Variants in HOXA3 observed in about 807,000 individuals in gnomAD.
HOXA3 encodes the protein homeobox A3.
A neutral mutation model predicts 30.3 loss-of-function variants in HOXA3; 8 were observed. The ratio of observed to expected loss-of-function variants is 0.26; its 90% CI spans 0.15 to 0.48. The LOEUF (loss-of-function observed/expected upper bound fraction) is 0.48. Among genes scored for constraint, HOXA3 ranks in the 20% least tolerant of loss-of-function variants. The pLI is 0.99. For missense variants in HOXA3, 653 were observed against 614.4 expected (o/e 1.06, Z -0.66); for synonymous variants, 323 against 273.1 (o/e 1.18, Z -1.80).
intron 1 of HOXA3, chr7:27,143,350 G>C (rs1263830730): frequency 6.3e-7 from 1 of 1,594,392 alleles, no homozygotes. Flanking sequence ...CCGGCTGGCT[G>C]TACCTGGGCT....
rs776144758 is a variant in HOXA3, at chr7:27,129,301, T to C, written c.-389-2231A>G. 126 of 1,613,840 alleles carry C rather than the reference T, an allele frequency of 7.8e-5. No individual in the cohort carries two copies. Among genetic ancestry groups the C allele is most frequent in the Non-Finnish European group, 1.0e-4 (122 of 1,180,002 alleles). On this transcript the variant is annotated intron_variant, in intron 2 of 5. Transcript: ENST00000612286. ...GAGGTGTGGGCTCTGAGTTTGTGCT[T>C]TCCCTGGTGGGCCGGCAGAGGCCGA...
Position 27,110,583 on chromosome 7 carries a change from C to G in HOXA3, c.58G>C (p.Ala20Pro), listed in dbSNP as rs765991905. The G allele has an allele frequency of 1.7e-5, 27 of 1,607,350 alleles. No homozygotes were observed. Among genetic ancestry groups the G allele is most frequent in the Non-Finnish European group, 2.2e-5 (26 of 1,175,376 alleles). The change falls in exon 5 of 6, where the codon GCA (alanine) becomes CCA (proline). Residue 20 changes from alanine (A) to proline (P), a missense_variant. Around this residue, in one of 3 missense-constraint regions of HOXA3, gnomAD observed 320 missense variants for 321.9 expected, o/e 0.99. Coordinates refer to ENST00000612286, the MANE Select transcript of HOXA3 (RefSeq NM_153631.3). ...GCATTATAAGCGAACCCGTTGGCTG[C>G]CTGGTAGGGGTAGCCACCGTAGATC... ...SAIYGGYPYQAANGFAYNANQ... is the reference protein window; with the variant it reads ...SAIYGGYPYQPANGFAYNANQ...
Position 27,113,610 on chromosome 7 carries a change from T to A in HOXA3, c.-120-2850A>T, listed in dbSNP as rs1409512997. ...CCATTCAGCGCCGGGAGCGGCCGGT[T>A]GCGGCCCTGCTTACCTTAACTTCTG... On this transcript the variant is annotated intron_variant, in intron 4 of 5. Coordinates refer to ENST00000612286, the MANE Select transcript of HOXA3 (RefSeq NM_153631.3). This position sits in a 1 kb window ranked among gnomAD's most constrained non-coding sequence, Gnocchi z 4.8. The A allele has an allele frequency of 6.6e-6, 1 of 152,020 alleles. No individual in the cohort carries two copies. The allele number at this position is 152,020 out of a possible 1,614,324, so 9.4% of individuals were successfully genotyped here.
intron 1 of HOXA3, among the ~76,000 whole-genome samples, chr7:27,146,787 GGA>G (rs1368072940): frequency 1.3e-5 from 2 of 152,128 alleles, no homozygotes; most frequent in Non-Finnish European, 2.9e-5. Flanking sequence ...AGATGAGGGA[GGA>G]GAGAGAAAAA....
rs1359587108 is a variant in HOXA3 at position 27,145,953 on chromosome 7, G to A, written c.-493-5767C>T. 2.5e-6 allele frequency: 4 copies of A among 1,593,948 alleles called. No homozygotes were observed. The Admixed American group carries it at 5.1e-5, about 20-fold the overall frequency. The stretch of plus-strand genomic sequence containing the variant: ...AAACGGCCGGGCGCCGGTAAGCCAG[G>A]GCCTGGAGGGTTGACCCAGTCAGCC... On this transcript the variant is annotated intron_variant, in intron 1 of 5. Transcript: ENST00000612286.
chr7:27,150,660 C>G (rs1165646075), intron 1 of HOXA3: 1 of 152,536 alleles, frequency 6.6e-6, no homozygotes, highest in Non-Finnish European at 1.5e-5. Flanking sequence ...AACCAGCGTG[C>G]GCCCCCAGAA....
chr7:27,140,472 G>A (rs998275972), intron 1 of HOXA3: 5 of 152,160 alleles, frequency 3.3e-5, no homozygotes, highest in African/African-American at 1.2e-4. Flanking sequence ...GTAAGCAGTC[G>A]GTAAATGTGC....
chr7:27,119,521 C>G (rs1583384655), intron 4 of HOXA3: 1 of 152,210 alleles, frequency 6.6e-6, no homozygotes, highest in South Asian at 2.1e-4. Flanking sequence ...TGTACCGTTT[C>G]ATGAGCTGTC....
At chr7:27,134,753 A>G (rs1362660278) in intron 2 of HOXA3, among the ~76,000 whole-genome samples, 2 of 152,224 alleles carry the variant, frequency 1.3e-5, no homozygotes, top group African/African-American at 4.8e-5. Context: ...GATTACTTCC[A>G]TGAAGGCAGT....
chr7:27,110,446 G>A lies in HOXA3; in HGVS notation c.195C>T (p.His65=). 3 of 1,583,692 alleles carry A rather than the reference G, an allele frequency of 1.9e-6. No homozygotes were observed. Among genetic ancestry groups the A allele is most frequent in the African/African-American group, 1.3e-5 (1 of 74,562 alleles). Residue 65 remains histidine (H), a synonymous_variant, in exon 5 of 6, where the codon CAC becomes CAT. Coordinates refer to ENST00000612286, the MANE Select transcript of HOXA3 (RefSeq NM_153631.3). The part of the protein sequence containing the change: ...PSSAGGHPKA[H]ELSEACLRTL... ...TGCGCAGGCACGCCTCACTCAGTTC[G>A]TGTGCCTTGGGGTGGCCCCCGGCGC...
Position 27,107,901 on chromosome 7 carries a change from C to A in HOXA3, c.*14G>T. 2 of 1,529,024 alleles carry A rather than the reference C, an allele frequency of 1.3e-6. No individual in the cohort carries two copies. Among genetic ancestry groups the A allele is most frequent in the Non-Finnish European group, 1.8e-6 (2 of 1,131,042 alleles). The allele number at this position is 1,529,024 out of a possible 1,614,324, so 94.7% of individuals were successfully genotyped here. A position where few individuals can be genotyped will look rare whatever the true frequency, so the allele number is the denominator to read the frequency against. The stretch of plus-strand genomic sequence containing the variant: ...GGGGGGAGACTCTCCTGGCGCGTAG[C>A]CCCAAGCCCACTATCACAGGTGGGT... On this transcript the variant is annotated 3_prime_UTR_variant, in exon 6 of 6. Coordinates refer to ENST00000612286, the MANE Select transcript of HOXA3 (RefSeq NM_153631.3).
At chr7:27,140,849 G>C (rs561689225) in intron 1 of HOXA3, among the ~76,000 whole-genome samples, 90 of 152,168 alleles carry the variant, frequency 5.9e-4, no homozygotes, top group African/African-American at 2.1e-3. Flanking sequence ...TGGGGCTTTG[G>C]AACAGCCTAC....
chr7:27,108,302 G>A lies in HOXA3; in HGVS notation c.945C>T (p.Ser315=). The change falls in exon 6 of 6, where the codon TCC becomes TCT. Residue 315 remains serine (S), a synonymous_variant. Coordinates refer to ENST00000612286, the MANE Select transcript of HOXA3 (RefSeq NM_153631.3). The surrounding 1 kb of genome is among the most constrained non-coding windows in gnomAD (Gnocchi z 5.0). The part of the protein sequence containing the change: ...YGLPPASYPA[S]LPSCAPPPPP... ...GTGGCGGGGGTGCGCAGCTGGGCAG[G>A]GACGCAGGGTAGGAGGCGGGGGGCA... is the stretch of plus-strand genomic sequence containing the variant. The A allele has an allele frequency of 6.6e-7, 1 of 1,524,830 alleles. No homozygotes were observed. The highest frequency in any genetic ancestry group is 8.8e-7 in the Non-Finnish European group (1 of 1,135,974). The allele number at this position is 1,524,830 out of a possible 1,614,324, so 94.5% of individuals were successfully genotyped here. A position where few individuals can be genotyped will look rare whatever the true frequency, so the allele number is the denominator to read the frequency against.
chr7:27,141,728 C>T lies in HOXA3; in HGVS notation c.-493-1542G>A, dbSNP rs913189013. On this transcript the variant is annotated intron_variant, in intron 1 of 5. Transcript: ENST00000612286. ...AAAAGATGAATTAGGGCAACGAGAA[C>T]AGGGCTTCTTCACAGAAGGAACACA... 2.1e-5 allele frequency: 30 copies of T among 1,401,240 alleles called. No individual in the cohort carries two copies. The Admixed American group carries it at 6.4e-4, about 30-fold the overall frequency. The allele number at this position is 1,401,240 out of a possible 1,614,324, so 86.8% of individuals were successfully genotyped here.
intron 2 of HOXA3, chr7:27,129,191 T>G: frequency 8.2e-7 from 1 of 1,214,916 alleles, no homozygotes; most frequent in Non-Finnish European, 1.2e-6. Context: ...GAAAAGCAGG[T>G]AAGGGATAGA....
rs753922042 is a variant in HOXA3 at position 27,129,269 on chromosome 7, G to A, written c.-389-2199C>T. ...GGTGTGGAGGTGCTCGGGTGGGGGTGGGGATGGAGGTGTGGGCTCTGAGTT... is the reference window on the plus strand; with the variant it reads ...GGTGTGGAGGTGCTCGGGTGGGGGTAGGGATGGAGGTGTGGGCTCTGAGTT... On this transcript the variant is annotated intron_variant, in intron 2 of 5. Transcript: ENST00000612286. 1.7e-5 allele frequency: 27 copies of A among 1,612,454 alleles called. No individual in the cohort carries two copies. The highest frequency in any genetic ancestry group is 3.3e-4 in the Middle Eastern group (2 of 6,068).
At chr7:27,148,010 G>A (rs1214152493) in intron 1 of HOXA3, among the ~76,000 whole-genome samples, 1 of 152,254 alleles carries the variant, frequency 6.6e-6, no homozygotes, top group East Asian at 1.9e-4. Flanking sequence ...TAATGGGCGC[G>A]CACAGCTAGC....
intron 4 of HOXA3, 100 bp from the exon 5 acceptor site, chr7:27,110,860 G>T: frequency 1.7e-6 from 1 of 606,022 alleles, no homozygotes; most frequent in African/African-American, 1.9e-5. Flanking sequence ...AAAGTGGTCA[G>T]CAATATTTAG....
chr7:27,140,327 CT>C (rs1782521669), intron 1 of HOXA3, 141 bp from the exon 2 acceptor site: 1 of 152,200 alleles, frequency 6.6e-6, no homozygotes, highest in South Asian at 2.1e-4. Flanking sequence ...GCCGATCTGT[CT>C]GTGCTATGGA....
Sources: gnomAD v4.1 joint callset for allele counts (sites outside exome capture counted in the v4.1 genomes callset) on GRCh38, gnomAD v4.1.1 for gene constraint, gnomAD v4.1.1 regional missense constraint, Gnocchi (gnomAD v3.1) non-coding constraint, MANE v1.5 for transcripts, NCBI Gene and HGNC (gene_info 2026-07-23, HGNC 2026-07-21) for gene names.